Variants in SNX25 observed in about 807,000 individuals in gnomAD.
The protein encoded by SNX25 is sorting nexin-25.
In SNX25, 62 loss-of-function variants were observed where a neutral mutation model predicts 113.7. The observed-to-expected ratio is 0.55, with a 90% CI of 0.44 to 0.67. The LOEUF (loss-of-function observed/expected upper bound fraction) is 0.67. Among genes scored for constraint, SNX25 ranks in the 30% least tolerant of loss-of-function variants. The probability of loss-of-function intolerance (pLI) is 0.00; values close to 1 mark genes in which losing one functional copy is unlikely to be tolerated. For missense variants in SNX25, 1,014 were observed against 1,161.0 expected, an observed-to-expected ratio of 0.87 and a Z score of 1.84; for synonymous variants, 421 against 436.2, an observed-to-expected ratio of 0.97 and a Z score of 0.43.
intron 6 of SNX25, among the ~76,000 whole-genome samples, chr4:185,300,603 G>A (rs1200907928): frequency 6.6e-6 from 1 of 151,860 alleles, no homozygotes; most frequent in Non-Finnish European, 1.5e-5. Flanking sequence ...AAGTTTTGAT[G>A]TGATCTGATT....
chr4:185,304,254 G>A (rs1226719082), intron 6 of SNX25, among the ~76,000 whole-genome samples: 1 of 152,168 alleles, frequency 6.6e-6, no homozygotes, highest in East Asian at 1.9e-4. Flanking sequence ...TAGTGATCAC[G>A]GCTCACTGCA....
intron 4 of SNX25, among the ~76,000 whole-genome samples, chr4:185,265,388 G>A (rs3112862): frequency 0.4 from 60,416 of 152,008 alleles, 12,558 homozygotes; most frequent in East Asian, 0.58. Context: ...ACTGAATACT[G>A]TAGGCAATAG....
intron 4 of SNX25, among the ~76,000 whole-genome samples, chr4:185,265,325 A>G (rs1343960592): frequency 6.6e-6 from 1 of 152,254 alleles, no homozygotes; most frequent in Admixed American, 6.5e-5. Flanking sequence ...ACATGTGGGC[A>G]ATATGGTGTA....
intron 12 of SNX25, among the ~76,000 whole-genome samples, chr4:185,343,243 C>T (rs911181264): frequency 1.3e-5 from 2 of 152,072 alleles, no homozygotes; most frequent in Non-Finnish European, 2.9e-5. Flanking sequence ...TCAGTGAAAA[C>T]GAATACTAAT....
At chr4:185,327,095 CTTTT>C (rs1169367723) in intron 9 of SNX25, among the ~76,000 whole-genome samples, 1 of 152,192 alleles carries the variant, frequency 6.6e-6, no homozygotes, top group Non-Finnish European at 1.5e-5. Context: ...TCCTTATAAT[CTTTT>C]TACCAAAAGT....
chr4:185,320,518 G>A (rs564552032), intron 7 of SNX25, among the ~76,000 whole-genome samples: 1 of 152,032 alleles, frequency 6.6e-6, no homozygotes, highest in South Asian at 2.1e-4. Flanking sequence ...CTGGTCAATA[G>A]GTACAGCAAA....
chr4:185,227,339 T>G (rs1439001307), intron 1 of SNX25, among the ~76,000 whole-genome samples: 2 of 152,208 alleles, frequency 1.3e-5, no homozygotes, highest in African/African-American at 4.8e-5. Flanking sequence ...AGGGAGGTTG[T>G]GGGTTCACAA....
intron 9 of SNX25, among the ~76,000 whole-genome samples, chr4:185,330,716 G>A (rs182349800): frequency 6.6e-6 from 1 of 152,114 alleles, no homozygotes; most frequent in Non-Finnish European, 1.5e-5. Flanking sequence ...GGACTCAAGT[G>A]CTTGCTCTTG....
chr4:185,327,908 T>G (rs893434776), intron 9 of SNX25, among the ~76,000 whole-genome samples: 2 of 152,246 alleles, frequency 1.3e-5, no homozygotes, highest in Non-Finnish European at 2.9e-5. Context: ...TCGGCAGAGA[T>G]AAGTATGAAA....
At chr4:185,280,332 G>C (rs922182866) in intron 5 of SNX25, among the ~76,000 whole-genome samples, 1 of 152,170 alleles carries the variant, frequency 6.6e-6, no homozygotes, top group African/African-American at 2.4e-5. Context: ...TGGTAATGGT[G>C]TAGCATTAGC....
At chr4:185,310,491 A>G (rs571551002) in intron 6 of SNX25, 144 bp from the exon 7 acceptor site, 7 of 539,380 alleles carry the variant, frequency 1.3e-5, no homozygotes, top group Admixed American at 1.2e-4. Context: ...ATGTATATGT[A>G]TTTATCATGG....
intron 2 of SNX25, among the ~76,000 whole-genome samples, chr4:185,250,730 T>C (rs1745506597): frequency 6.6e-6 from 1 of 151,972 alleles, no homozygotes; most frequent in Non-Finnish European, 1.5e-5. Context: ...TGGTTTTTTT[T>C]TTTTTTACTT....
chr4:185,255,218 A>G (rs969864463), intron 2 of SNX25, among the ~76,000 whole-genome samples: 6 of 151,594 alleles, frequency 4.0e-5, no homozygotes, highest in African/African-American at 1.2e-4. Flanking sequence ...ACTGCAACCT[A>G]CGCCTCCTGG....
chr4:185,275,829 A>G (rs1749592386), intron 5 of SNX25, among the ~76,000 whole-genome samples: 1 of 152,212 alleles, frequency 6.6e-6, no homozygotes, highest in Non-Finnish European at 1.5e-5. Flanking sequence ...GGACAAGGAG[A>G]TGAAAAATCA....
chr4:185,371,614 T>C (rs1452486267), downstream of SNX25, among the ~76,000 whole-genome samples: 3 of 151,178 alleles, frequency 2.0e-5, no homozygotes, highest in African/African-American at 7.3e-5. Flanking sequence ...TATGTACAAT[T>C]GTGTGAGAAT....
At chr4:185,320,889 T>G (rs1361927819) in intron 8 of SNX25, 25 bp downstream of exon 8, 1 of 1,546,606 alleles carries the variant, frequency 6.5e-7, no homozygotes, top group Admixed American at 2.1e-5. Context: ...CTGAAAGGAA[T>G]ATTAATCACT....
At chr4:185,284,207 G>A (rs1409374342) in intron 5 of SNX25, among the ~76,000 whole-genome samples, 1 of 152,118 alleles carries the variant, frequency 6.6e-6, no homozygotes, top group Non-Finnish European at 1.5e-5. Context: ...TGGTTTTGTA[G>A]TTTTCAGTCT....
chr4:185,222,185 G>T (rs1361657064), intron 1 of SNX25, among the ~76,000 whole-genome samples: 2 of 150,920 alleles, frequency 1.3e-5, no homozygotes, highest in Non-Finnish European at 2.9e-5. Context: ...TTCATGGTAG[G>T]TATTCAGCTC....
chr4:185,263,590 C>T (rs1394993923), intron 3 of SNX25, among the ~76,000 whole-genome samples: 1 of 152,186 alleles, frequency 6.6e-6, no homozygotes, highest in Non-Finnish European at 1.5e-5. Context: ...TTTCAGTTAA[C>T]ACCTGAGAGG....
Sources: allele counts gnomAD v4.1 joint callset (sites outside exome capture counted in the v4.1 genomes callset), GRCh38; gene constraint gnomAD v4.1.1; transcripts MANE v1.5; gene names NCBI Gene and HGNC (gene_info 2026-07-23, HGNC 2026-07-21).